The following TRNAU1AP variants were observed in gnomAD, a reference collection of about 807,000 sequenced individuals.
TRNAU1AP encodes tRNA selenocysteine 1-associated protein 1.
TRNAU1AP carries 33 observed loss-of-function variants against 43.3 expected under a neutral mutation model. The observed-to-expected ratio is 0.76, with a 90% CI of 0.58 to 1.02. TRNAU1AP has a LOEUF of 1.02. Among genes scored for constraint, TRNAU1AP ranks in the 50% least tolerant of loss-of-function variants. TRNAU1AP has a pLI of 0.00. For missense variants in TRNAU1AP, 290 were observed against 362.7 expected (o/e 0.80, Z 1.63); for synonymous variants, 143 against 129.1 (o/e 1.11, Z -0.73).
chr1:28,564,914 C>G, intron 5 of TRNAU1AP, 80 bp downstream of exon 5: 1 of 1,562,064 alleles, frequency 6.4e-7, no homozygotes, highest in Non-Finnish European at 8.8e-7. Flanking sequence ...TTAGAAAGGC[C>G]CTGCAGCATG....
At chr1:28,573,851 C>T (rs1358501181) in intron 8 of TRNAU1AP, among the ~76,000 whole-genome samples, 3 of 151,592 alleles carry the variant, frequency 2.0e-5, no homozygotes, top group Non-Finnish European at 2.9e-5. Context: ...GCAGGAGACT[C>T]ACTTGAACCC....
chr1:28,565,007 G>A (rs1167669258), intron 5 of TRNAU1AP, 173 bp downstream of exon 5: 1 of 734,754 alleles, frequency 1.4e-6, no homozygotes, highest in South Asian at 1.7e-5. Flanking sequence ...TGCCAGTATT[G>A]TAGAATTGAA....
At chr1:28,554,392 A>T (rs574742047) in intron 2 of TRNAU1AP, among the ~76,000 whole-genome samples, 1 of 152,236 alleles carries the variant, frequency 6.6e-6, no homozygotes, top group East Asian at 1.9e-4. Context: ...CACATTCATC[A>T]TTAGGACAGT....
At chr1:28,573,756 G>A (rs1393332666) in intron 8 of TRNAU1AP, among the ~76,000 whole-genome samples, 1 of 149,806 alleles carries the variant, frequency 6.7e-6, no homozygotes, top group Non-Finnish European at 1.5e-5. Context: ...CTGGGCAACA[G>A]TGCAAGACTC....
chr1:28,564,882 T>C (rs1361452700), intron 5 of TRNAU1AP, 48 bp downstream of exon 5: 1 of 1,611,694 alleles, frequency 6.2e-7, no homozygotes, highest in South Asian at 1.1e-5. Context: ...GTTTCAGCCT[T>C]TCTCTCCTGA....
chr1:28,562,296 T>G (rs1361410621), intron 4 of TRNAU1AP, among the ~76,000 whole-genome samples: 1 of 152,162 alleles, frequency 6.6e-6, no homozygotes, highest in Non-Finnish European at 1.5e-5. Context: ...ATAGCTAAAG[T>G]TGGGGAAAAC....
chr1:28,576,442 C>T (rs556600524), intron 8 of TRNAU1AP, among the ~76,000 whole-genome samples: 2 of 151,680 alleles, frequency 1.3e-5, no homozygotes, highest in East Asian at 3.9e-4. Context: ...CCTCAGCCTC[C>T]CGAGTAGCTG....
intron 8 of TRNAU1AP, among the ~76,000 whole-genome samples, chr1:28,574,077 CTTT>C (rs1178078009): frequency 4.8e-5 from 6 of 124,130 alleles, no homozygotes; most frequent in Admixed American, 8.4e-5. Context: ...GACCCCATCT[CTTT>C]TTTTTTTTTT....
At chr1:28,575,465 G>T (rs9426447) in intron 8 of TRNAU1AP, among the ~76,000 whole-genome samples, 8,367 of 127,264 alleles carry the variant, frequency 0.066, 349 homozygotes, top group Middle Eastern at 0.17. Flanking sequence ...GTTTTTTTTT[G>T]TTTTTTTTTT....
chr1:28,577,772 A>G lies in TRNAU1AP; in HGVS notation c.*136A>G, dbSNP rs1281748459. ...GTTTTTGGAGATCATGAATGTTTCT[A>G]CAACACTGCTGCATTCATTTGACCA... is the stretch of plus-strand genomic sequence containing the variant. On this transcript the variant is annotated 3_prime_UTR_variant, in exon 9 of 9. Coordinates refer to ENST00000373830, the MANE Select transcript of TRNAU1AP (RefSeq NM_017846.5). 10 of 946,712 alleles carry G rather than the reference A, an allele frequency of 1.1e-5. No individual in the cohort carries two copies. The highest frequency in any genetic ancestry group is 6.7e-5 in the South Asian group (4 of 59,416). The allele number at this position is 946,712 out of a possible 1,614,324, so 58.6% of individuals were successfully genotyped here.
chr1:28,574,943 A>G (rs9426442), intron 8 of TRNAU1AP, among the ~76,000 whole-genome samples: 36,975 of 151,988 alleles, frequency 0.24, 4,679 homozygotes, highest in Middle Eastern at 0.34. Context: ...AGGACACAGG[A>G]GCTCCATTTC....
Position 28,557,363 on chromosome 1 carries a change from C to T in TRNAU1AP, c.126-3270C>T, listed in dbSNP as rs543204146. Among the ~76,000 whole-genome samples, 6 of 150,664 alleles carry T rather than the reference C, an allele frequency of 4.0e-5. No individual in the cohort carries two copies. The South Asian group carries it at 8.4e-4, about 21-fold the overall frequency. On this transcript the variant is annotated intron_variant, in intron 2 of 8. Coordinates refer to ENST00000373830, the MANE Select transcript of TRNAU1AP (RefSeq NM_017846.5). ...TGAACCCGGGAGGTGGAGCTTGCAG[C>T]GAGCGGAGATCACACCACTGCACTC...
intron 4 of TRNAU1AP, among the ~76,000 whole-genome samples, chr1:28,563,300 A>G (rs891847413): frequency 9.2e-5 from 14 of 151,998 alleles, no homozygotes; most frequent in Non-Finnish European, 2.1e-4. Flanking sequence ...CTGTAATCCC[A>G]GCACTTTGGG....
chr1:28,570,813 C>T (rs947467297), intron 6 of TRNAU1AP, among the ~76,000 whole-genome samples: 1 of 152,118 alleles, frequency 6.6e-6, no homozygotes, highest in Non-Finnish European at 1.5e-5. Context: ...TGGCCGGGCT[C>T]CCAGCACTTT....
At chr1:28,560,086 C>T (rs1016199167) in intron 2 of TRNAU1AP, among the ~76,000 whole-genome samples, 1 of 151,966 alleles carries the variant, frequency 6.6e-6, no homozygotes, top group Non-Finnish European at 1.5e-5. Flanking sequence ...GAGCTGAGAT[C>T]GAGATGATAT....
chr1:28,565,315 T>C (rs1488138271), intron 5 of TRNAU1AP: 1 of 158,184 alleles, frequency 6.3e-6, no homozygotes, highest in Admixed American at 6.5e-5. Context: ...TGAAATGCCG[T>C]CTCTATTAAA....
In TRNAU1AP at chr1:28,564,814, G is replaced by A; in HGVS notation, c.390G>A (p.Leu130=). The change falls in exon 5 of 9, where the codon TTG becomes TTA. Residue 130 remains leucine (L), a synonymous_variant. Transcript: ENST00000373830. Reference sequence around the variant, plus strand: ...CCTGTCGGGGAGGCAAGGTGGTTTTGGACCAGACAGGCGTGTCTAAGTAAG... The same window carrying A: ...CCTGTCGGGGAGGCAAGGTGGTTTTAGACCAGACAGGCGTGTCTAAGTAAG... ...YPSCRGGKVV[L]DQTGVSKGYG... is the part of the protein sequence containing the mutation. 1 of 1,614,074 alleles carries A rather than the reference G, an allele frequency of 6.2e-7. No individual in the cohort carries two copies. The highest frequency in any genetic ancestry group is 8.5e-7 in the Non-Finnish European group (1 of 1,180,008).
At chr1:28,565,880 T>C (rs1570252967) in intron 5 of TRNAU1AP, 1 of 152,112 alleles carries the variant, frequency 6.6e-6, no homozygotes, top group South Asian at 2.1e-4. Flanking sequence ...GCTTTGAGAG[T>C]GCAACAGGTG....
chr1:28,561,363 G>A lies in TRNAU1AP; in HGVS notation c.243G>A (p.Leu81=). Residue 81 remains leucine, a synonymous_variant, in exon 4 of 9, where the codon CTG becomes CTA. Transcript: ENST00000373830. ...ACTTCCAGGCGAAACGTTTTAAACTGAACTATGCCACTTACGGGAAACAAC... is the reference window on the plus strand; with the variant it reads ...ACTTCCAGGCGAAACGTTTTAAACTAAACTATGCCACTTACGGGAAACAAC... ...PGATPAKRFK[L]NYATYGKQPD... is the part of the protein sequence containing the mutation. 2 of 1,614,160 alleles carry A rather than the reference G, an allele frequency of 1.2e-6. No homozygotes were observed. The highest frequency in any genetic ancestry group is 1.7e-6 in the Non-Finnish European group (2 of 1,180,030).
Sources: allele counts gnomAD v4.1 joint callset (sites outside exome capture counted in the v4.1 genomes callset), GRCh38; gene constraint gnomAD v4.1.1; transcripts MANE v1.5; gene names NCBI Gene and HGNC (gene_info 2026-07-23, HGNC 2026-07-21).